Variants in BMPR2 observed in about 807,000 individuals in gnomAD.
BMPR2 encodes bone morphogenetic protein receptor type-2.
A neutral mutation model predicts 100.8 loss-of-function variants in BMPR2; 29 were observed. The ratio of observed to expected loss-of-function variants is 0.29; its 90% CI spans 0.21 to 0.39. The LOEUF (loss-of-function observed/expected upper bound fraction) is 0.39, where lower values mean the gene tolerates loss of function less well. Ranked by LOEUF, BMPR2 falls within the 10% of genes least tolerant of loss-of-function variation. The pLI is 1.00. For synonymous variants in BMPR2, 382 were observed against 442.3 expected, an observed-to-expected ratio of 0.86 and a Z score of 1.71; for missense variants, 1,011 against 1,274.5, an observed-to-expected ratio of 0.79 and a Z score of 3.15.
chr2:202,470,783 A>G (rs1422145153), intron 3 of BMPR2, among the ~76,000 whole-genome samples: 3 of 151,200 alleles, frequency 2.0e-5, no homozygotes, highest in Non-Finnish European at 4.4e-5. Context: ...AAAAAAAAAA[A>G]AAAAAAGAAA....
intron 1 of BMPR2, among the ~76,000 whole-genome samples, chr2:202,463,997 T>C (rs2105958843): frequency 6.6e-6 from 1 of 151,970 alleles, no homozygotes; most frequent in East Asian, 1.9e-4. Flanking sequence ...CCATCTCTAC[T>C]AAAAATACAA....
At chr2:202,533,031 T>A (rs1280992468) in intron 9 of BMPR2, among the ~76,000 whole-genome samples, 1 of 152,234 alleles carries the variant, frequency 6.6e-6, no homozygotes, top group African/African-American at 2.4e-5. Context: ...ATTTTCCTTA[T>A]GCACCATCTG....
At chr2:202,559,080 G>C (rs189606665) in intron 12 of BMPR2, among the ~76,000 whole-genome samples, 1 of 151,878 alleles carries the variant, frequency 6.6e-6, no homozygotes, top group East Asian at 1.9e-4. Flanking sequence ...CGGGCACATT[G>C]CCTGAGCTCA....
chr2:202,519,962 G>A lies in BMPR2; in HGVS notation c.853-125G>A, dbSNP rs1002417595. On this transcript the variant is annotated intron_variant, in intron 6 of 12. Coordinates refer to ENST00000374580, the MANE Select transcript of BMPR2 (RefSeq NM_001204.7). ...TCTTTCAAGATTCTGAAATGTAGTA[G>A]TTCATTAGATCTTCATGGAATCCTA... 1.2e-5 allele frequency: 8 copies of A among 676,648 alleles called. No individual in the cohort carries two copies. The Admixed American group carries it at 1.6e-4, about 14-fold the overall frequency. 41.9% of individuals were successfully genotyped at this position (676,648 alleles called of 1,614,324 possible).
chr2:202,429,882 C>T (rs1691471041), intron 1 of BMPR2, among the ~76,000 whole-genome samples: 1 of 152,166 alleles, frequency 6.6e-6, no homozygotes, highest in African/African-American at 2.4e-5. Context: ...CACCATGATC[C>T]AGTCACCTCC....
At chr2:202,379,989 C>G (rs183739016) in intron 1 of BMPR2, among the ~76,000 whole-genome samples, 22 of 152,208 alleles carry the variant, frequency 1.4e-4, no homozygotes, top group Admixed American at 5.2e-4. Flanking sequence ...TCCAGACTAG[C>G]TGAGATTACG....
chr2:202,497,486 C>T (rs374157799), intron 3 of BMPR2, among the ~76,000 whole-genome samples: 203 of 152,234 alleles, frequency 1.3e-3, no homozygotes, highest in African/African-American at 4.7e-3. Flanking sequence ...TCTAACAACC[C>T]CCGACTCTTC....
chr2:202,512,227 T>C (rs890606946), intron 3 of BMPR2, among the ~76,000 whole-genome samples: 7 of 152,196 alleles, frequency 4.6e-5, no homozygotes, highest in African/African-American at 9.6e-5. Flanking sequence ...GGCATCCTAC[T>C]TTGCCATAGA....
Position 202,503,847 on chromosome 2 carries a change from G to T in BMPR2, c.419-9872G>T, listed in dbSNP as rs1687459869. On this transcript the variant is annotated intron_variant, in intron 3 of 12. Coordinates refer to ENST00000374580, the MANE Select transcript of BMPR2 (RefSeq NM_001204.7). This position sits in a 1 kb window ranked among gnomAD's most constrained non-coding sequence, Gnocchi z 4.0. ...CAGCTGGGCTCCTGAGTCTGGTGGGGACATGGAGAACCTTTATGTCTAGCT... is the reference window on the plus strand; with the variant it reads ...CAGCTGGGCTCCTGAGTCTGGTGGGTACATGGAGAACCTTTATGTCTAGCT... Among the ~76,000 whole-genome samples the T allele has an allele frequency of 6.6e-6, 1 of 152,244 alleles. No individual in the cohort carries two copies. The highest frequency in any genetic ancestry group is 6.5e-5 in the Admixed American group (1 of 15,288).
At chr2:202,392,783 G>A (rs1039167840) in intron 1 of BMPR2, among the ~76,000 whole-genome samples, 11 of 151,630 alleles carry the variant, frequency 7.3e-5, no homozygotes, top group Admixed American at 1.3e-4. Context: ...ATCTGAGGTC[G>A]GGAGTTCGAG....
chr2:202,457,555 TATATATAGAGAGAGAGAGAGAG>T (rs1280357286), intron 1 of BMPR2, among the ~76,000 whole-genome samples: 39 of 99,992 alleles, frequency 3.9e-4, no homozygotes, highest in African/African-American at 1.6e-3. Flanking sequence ...TATATATATA[TATATATAGAGAGAGAGAGAGAG>T]AGAGAGAGAG....
chr2:202,445,829 C>T lies in BMPR2; in HGVS notation c.77-18980C>T, dbSNP rs960238452. On this transcript the variant is annotated intron_variant, in intron 1 of 12. Transcript: ENST00000374580. ...TTGCTCTGTCGCCCAGGCTGGAGTGCAGTGGCACAATCTCGGCTCACTGCA... is the reference window on the plus strand; with the variant it reads ...TTGCTCTGTCGCCCAGGCTGGAGTGTAGTGGCACAATCTCGGCTCACTGCA... Among the ~76,000 whole-genome samples, 7 of 139,866 alleles carry T rather than the reference C, an allele frequency of 5.0e-5. No homozygotes were observed. The Admixed American group carries it at 5.3e-4, about 11-fold the overall frequency. 91.8% of individuals were successfully genotyped at this position (139,866 alleles called of 152,430 possible).
chr2:202,512,990 A>C (rs1012867357), intron 3 of BMPR2, among the ~76,000 whole-genome samples: 1 of 150,546 alleles, frequency 6.6e-6, no homozygotes. Context: ...AAAGAAACAG[A>C]GTCTCACTTC....
In BMPR2 at chr2:202,485,320, TGG is replaced by T. The variant is rs1574472571; in HGVS notation, c.418+17632_418+17633del. On this transcript the variant is annotated intron_variant, in intron 3 of 12. Coordinates refer to ENST00000374580, the MANE Select transcript of BMPR2 (RefSeq NM_001204.7). ...ACTAAAAATAACAGAAATTTGTTCT[TGG>T]ACAGCTTTGGAGGCCAGCAGTCTAA... is the stretch of plus-strand genomic sequence containing the variant. Among the ~76,000 whole-genome samples, 4 of 152,110 alleles carry T rather than the reference TGG, an allele frequency of 2.6e-5. No individual in the cohort carries two copies. In the East Asian group the frequency reaches 7.7e-4, roughly 29 times the overall value.
chr2:202,497,359 C>G (rs1325264974), intron 3 of BMPR2, among the ~76,000 whole-genome samples: 1 of 152,230 alleles, frequency 6.6e-6, no homozygotes, highest in African/African-American at 2.4e-5. Flanking sequence ...GCTATTCTGT[C>G]CTGTCTTTCC....
rs754377555 is a variant in BMPR2 at position 202,532,548 on chromosome 2, C to T, written c.1129-37C>T. The T allele has an allele frequency of 5.0e-6, 8 of 1,606,224 alleles. No individual in the cohort carries two copies. The highest frequency in any genetic ancestry group is 1.1e-5 in the South Asian group (1 of 90,884). On this transcript the variant is annotated intron_variant, in intron 8 of 12. Coordinates refer to ENST00000374580, the MANE Select transcript of BMPR2 (RefSeq NM_001204.7). The surrounding 1 kb of genome is among the most constrained non-coding windows in gnomAD (Gnocchi z 4.1). The stretch of plus-strand genomic sequence containing the variant: ...AATGTCTGTTCTTCAGAATATGCTA[C>T]GTTCTCTCTCTAAAAAATATCACTC...
rs368061917 is a variant in BMPR2 at position 202,492,247 on chromosome 2, T to C, written c.419-21472T>C. 1.1e-4 allele frequency among the ~76,000 whole-genome samples: 17 copies of C among 152,044 alleles called. No individual in the cohort carries two copies. In the East Asian group the frequency reaches 3.1e-3, roughly 28 times the overall value. On this transcript the variant is annotated intron_variant, in intron 3 of 12. Transcript: ENST00000374580. ...CTTTTGGGACCCTTGGTGTTGTATT[T>C]TGTGGCCTTGGTGCTAGTTACATAA... is the stretch of plus-strand genomic sequence containing the variant.
chr2:202,555,521 G>C lies in BMPR2; in HGVS notation c.1856G>C (p.Gly619Ala). 2 of 1,614,070 alleles carry C rather than the reference G, an allele frequency of 1.2e-6. No individual in the cohort carries two copies. The highest frequency in any genetic ancestry group is 4.5e-5 in the East Asian group (2 of 44,884). The change falls in exon 12 of 13, where the codon GGA becomes GCA. Residue 619 changes from glycine to alanine, a missense_variant. This residue lies in a region of BMPR2 where 508 missense variants were observed against 552.0 expected (regional missense o/e 0.92). Transcript: ENST00000374580. ...AACACAACAACCACAAACACCACAG[G>C]ACTCACGCCAAGTACTGGCATGACT... ...STNTTTTNTT[G>A]LTPSTGMTTI...
At chr2:202,512,103 CCTT>C (rs1687636879) in intron 3 of BMPR2, among the ~76,000 whole-genome samples, 1 of 151,938 alleles carries the variant, frequency 6.6e-6, no homozygotes, top group African/African-American at 2.4e-5. Flanking sequence ...TTCAACATAT[CCTT>C]CTATAGAAAT....
Sources: gnomAD v4.1 joint callset for allele counts (sites outside exome capture counted in the v4.1 genomes callset) on GRCh38, gnomAD v4.1.1 for gene constraint, gnomAD v4.1.1 regional missense constraint, Gnocchi (gnomAD v3.1) non-coding constraint, MANE v1.5 for transcripts, NCBI Gene and HGNC (gene_info 2026-07-23, HGNC 2026-07-21) for gene names.